Variants in SMG1 observed in about 807,000 individuals in gnomAD.
SMG1 encodes the protein SMG1 nonsense mediated mRNA decay associated PI3K related kinase.
In SMG1, 22 loss-of-function variants were observed where a neutral mutation model predicts 419.9. That is an observed-to-expected ratio of 0.05 (90% CI 0.04 to 0.07). SMG1 has a LOEUF of 0.07. Among genes scored for constraint, SMG1 ranks in the 10% least tolerant of loss-of-function variants. The pLI is 1.00. For missense variants in SMG1, 3,185 were observed against 4,342.0 expected, an observed-to-expected ratio of 0.73 and a Z score of 7.49; for synonymous variants, 1,538 against 1,553.5, an observed-to-expected ratio of 0.99 and a Z score of 0.23.
In SMG1 at chr16:18,847,590, A is replaced by G; in HGVS notation, c.5859T>C (p.Ala1953=). 6.2e-7 allele frequency: 1 copy of G among 1,614,012 alleles called. No individual in the cohort carries two copies. The highest frequency in any genetic ancestry group is 8.5e-7 in the Non-Finnish European group (1 of 1,179,886). Residue 1953 remains alanine, a synonymous_variant, in exon 38 of 63, where the codon GCT becomes GCC. Transcript: ENST00000446231. ...AGAGCACAGTGACCCTGCGCAGTTC[A>G]GCCACGAGCATCTGAACCTGCATAC... The part of the protein sequence containing the change: ...TMVLQVQMLV[A]ELRRVTVLWD...
In SMG1 at chr16:18,809,496, G is replaced by A; in HGVS notation, c.*73C>T. The A allele has an allele frequency of 8.5e-7, 1 of 1,172,384 alleles. No individual in the cohort carries two copies. Among genetic ancestry groups the A allele is most frequent in the Admixed American group, 1.9e-5 (1 of 51,690 alleles). 72.6% of individuals were successfully genotyped at this position (1,172,384 alleles called of 1,614,324 possible). A position where few individuals can be genotyped will look rare whatever the true frequency, so the allele number is the denominator to read the frequency against. ...TCACCACCGACTGTGGTGTGGCTTT[G>A]GATGCCTGAGGCTGAGTTGATTCTG... On this transcript the variant is annotated 3_prime_UTR_variant, in exon 63 of 63. Transcript: ENST00000446231.
chr16:18,872,679 A>G (rs1273759777), intron 13 of SMG1, 55 bp from the exon 14 acceptor site: 1 of 1,267,908 alleles, frequency 7.9e-7, no homozygotes, highest in Admixed American at 2.6e-5. Context: ...AAGCACAAGC[A>G]TACAGAGTTT....
In SMG1 at chr16:18,872,248, A is replaced by G. The variant is rs2035861429; in HGVS notation, c.2119T>C (p.Phe707Leu). The G allele has an allele frequency of 6.3e-7, 1 of 1,592,842 alleles. No individual in the cohort carries two copies. Among genetic ancestry groups the G allele is most frequent in the Non-Finnish European group, 8.6e-7 (1 of 1,165,000 alleles). Residue 707 changes from phenylalanine to leucine, a missense_variant, in exon 15 of 63, where the codon TTC (phenylalanine) becomes CTC (leucine). Phe to Leu is a conservative substitution (Grantham distance 22). Coordinates refer to ENST00000446231, the MANE Select transcript of SMG1 (RefSeq NM_015092.5). ...STVTTATKKH[F>L]SIILNLLGIL... ...CCCAGAAGATTTAATATAATTGAGA[A>G]ATGTTTCTTTGTAGCCGTAGTTACA...
In SMG1 at chr16:18,830,387, G is replaced by C. The variant is rs758787048; in HGVS notation, c.8793-18C>G. 5.6e-6 allele frequency: 9 copies of C among 1,612,960 alleles called. No homozygotes were observed. The East Asian group carries it at 1.8e-4, about 32-fold the overall frequency. On this transcript the variant is annotated intron_variant, in intron 51 of 62. Transcript: ENST00000446231. ...GTAGTAGTCTACAGAAAAACAAAAG[G>C]AGTTAAAACCTTCGCTGAAAAGTAA...
At position 18,829,679 on chromosome 16, in the gene SMG1, G is replaced by A. The variant is rs377175944; in HGVS notation, c.9210C>T (p.Asn3070=). 1.2e-4 allele frequency: 188 copies of A among 1,613,928 alleles called. 1 individual carries two copies. In the South Asian group the frequency reaches 1.5e-3, roughly 13 times the overall value. The stretch of plus-strand genomic sequence containing the variant: ...CCATTTGGTCTTCACTGAAACAAGA[G>A]TTTCTAAAAAGGGTTTTCACATTGA... ...QIVNVKTLFR[N]SCFSEDQMAK... The change falls in exon 54 of 63, where the codon AAC becomes AAT. Residue 3070 remains asparagine (N), a synonymous_variant. Coordinates refer to ENST00000446231, the MANE Select transcript of SMG1 (RefSeq NM_015092.5).
Position 18,806,351 on chromosome 16 carries a change from T to C in SMG1, c.*3218A>G, listed in dbSNP as rs1405776789. ...ACAAACCCTCACCCTAAACCTGGGG[T>C]TTGGGCTCTAAAAAAGTAATTTAGG... On this transcript the variant is annotated 3_prime_UTR_variant, in exon 63 of 63. Transcript: ENST00000446231. 6.6e-6 allele frequency: 1 copy of C among 152,446 alleles called. No individual in the cohort carries two copies. Among genetic ancestry groups the C allele is most frequent in the East Asian group, 1.9e-4 (1 of 5,190 alleles). 9.4% of individuals were successfully genotyped at this position (152,446 alleles called of 1,614,324 possible).
chr16:18,911,806 G>A (rs12920086), intron 1 of SMG1: 46,862 of 151,816 alleles, frequency 0.31, 8,006 homozygotes, highest in Non-Finnish European at 0.39. Context: ...TTCTAGCTAG[G>A]CACGGGGGCT....
At chr16:18,922,724 C>T (rs910000754) in intron 1 of SMG1, among the ~76,000 whole-genome samples, 3 of 152,098 alleles carry the variant, frequency 2.0e-5, no homozygotes, top group African/African-American at 7.2e-5. Context: ...GGGTGATCCA[C>T]CCACCTCAGC....
In SMG1 at chr16:18,853,709, T is replaced by G; in HGVS notation, c.4642A>C (p.Arg1548=). 1 of 1,613,926 alleles carries G rather than the reference T, an allele frequency of 6.2e-7. No individual in the cohort carries two copies. The highest frequency in any genetic ancestry group is 8.5e-7 in the Non-Finnish European group (1 of 1,179,852). The stretch of plus-strand genomic sequence containing the variant: ...GTGAAGTTCTGTTGGTGCTGAGCTC[T>G]GTAAACCTGTTTCAGCTGTCCTGAA... ...EISGQLKQVY[R]AQHQQNFTGL... Residue 1548 remains arginine (R), a synonymous_variant, in exon 31 of 63, where the codon AGA becomes CGA. Coordinates refer to ENST00000446231, the MANE Select transcript of SMG1 (RefSeq NM_015092.5).
In SMG1 at chr16:18,925,555, G is replaced by C. The variant is rs374518165; in HGVS notation, c.92+395C>G. ...GAGCTCTCACGTGGCGGCTGAAAGA[G>C]TGGGGAACCGAGAAAGTGAATGAGT... is the stretch of plus-strand genomic sequence containing the variant. On this transcript the variant is annotated intron_variant, in intron 1 of 62. Coordinates refer to ENST00000446231, the MANE Select transcript of SMG1 (RefSeq NM_015092.5). 740 of 192,192 alleles carry C rather than the reference G, an allele frequency of 3.9e-3. 3 individuals carry two copies. Among genetic ancestry groups the C allele is most frequent in the South Asian group, 5.7e-3 (42 of 7,316 alleles). 11.9% of individuals were successfully genotyped at this position (192,192 alleles called of 1,614,324 possible).
Position 18,838,241 on chromosome 16 carries a change from A to G in SMG1, c.7195-9T>C. 1 of 1,609,304 alleles carries G rather than the reference A, an allele frequency of 6.2e-7. No homozygotes were observed. Among genetic ancestry groups the G allele is most frequent in the Non-Finnish European group, 8.5e-7 (1 of 1,177,136 alleles). On this transcript the variant is annotated splice_polypyrimidine_tract_variant and intron_variant, in intron 44 of 62. Coordinates refer to ENST00000446231, the MANE Select transcript of SMG1 (RefSeq NM_015092.5). The stretch of plus-strand genomic sequence containing the variant: ...CGCATAATGTGTAAAACCTGTTTTC[A>G]GGAGAGTTTTTAAAATAAGGTCTGC...
At position 18,837,716 on chromosome 16, in the gene SMG1, T is replaced by A. The variant is rs146878154; in HGVS notation, c.7414-273A>T. Among the ~76,000 whole-genome samples the A allele has an allele frequency of 1.2e-4, 19 of 152,304 alleles. No individual in the cohort carries two copies. In the East Asian group the frequency reaches 3.3e-3, roughly 26 times the overall value. ...GCTACCAGATAGGGAAGGGAAGCTA[T>A]CCAATTAAAGAACATTTACAGTCAT... On this transcript the variant is annotated intron_variant, in intron 45 of 62. Coordinates refer to ENST00000446231, the MANE Select transcript of SMG1 (RefSeq NM_015092.5).
In SMG1 at chr16:18,916,498, G is replaced by A. The variant is rs373989590; in HGVS notation, c.92+9452C>T. 1.7e-4 allele frequency among the ~76,000 whole-genome samples: 23 copies of A among 134,536 alleles called. 1 individual carries two copies. Among genetic ancestry groups the A allele is most frequent in the Admixed American group, 5.0e-4 (6 of 12,014 alleles). 88.3% of individuals were successfully genotyped at this position (134,536 alleles called of 152,430 possible). ...GCCACTGCACTCCAGCGTGGGCGAC[G>A]GTGAGACTCCATCTCAAAAAAAAAA... On this transcript the variant is annotated intron_variant, in intron 1 of 62. Coordinates refer to ENST00000446231, the MANE Select transcript of SMG1 (RefSeq NM_015092.5).
chr16:18,832,893 T>A, intron 51 of SMG1, 47 bp downstream of exon 51: 2 of 1,512,242 alleles, frequency 1.3e-6, no homozygotes, highest in Non-Finnish European at 1.8e-6. Flanking sequence ...TTTCTCTGGC[T>A]GTCCCATCTC....
At chr16:18,815,365 A>G (rs940192002) in intron 59 of SMG1, 75 bp downstream of exon 59, 16 of 1,573,870 alleles carry the variant, frequency 1.0e-5, no homozygotes, top group Middle Eastern at 3.3e-4. Context: ...TGAAAAATTA[A>G]ATCAAGAGAT....
chr16:18,863,200 G>C (rs2141501410), intron 25 of SMG1, among the ~76,000 whole-genome samples: 1 of 152,326 alleles, frequency 6.6e-6, no homozygotes, highest in Non-Finnish European at 1.5e-5. Context: ...CAGAGTGAGT[G>C]CTCAGTTTTG....
At chr16:18,874,068 C>A (rs1241947724) in intron 13 of SMG1, among the ~76,000 whole-genome samples, 1 of 152,192 alleles carries the variant, frequency 6.6e-6, no homozygotes, top group African/African-American at 2.4e-5. Flanking sequence ...CACATGTAAG[C>A]GCAAACATCA....
intron 23 of SMG1, 42 bp from the exon 24 acceptor site, chr16:18,864,186 A>AATTT: frequency 7.7e-6 from 7 of 912,812 alleles, no homozygotes; most frequent in African/African-American, 5.8e-5. Context: ...TTATCTACTT[A>AATTT]CTTTTTTTTT....
At chr16:18,843,838 G>A (rs1235676512) in intron 39 of SMG1, among the ~76,000 whole-genome samples, 1 of 152,244 alleles carries the variant, frequency 6.6e-6, no homozygotes, top group East Asian at 1.9e-4. Flanking sequence ...ACTGGTTGTG[G>A]GTGGGGAGAT....
Sources: allele counts gnomAD v4.1 joint callset (sites outside exome capture counted in the v4.1 genomes callset), GRCh38; gene constraint gnomAD v4.1.1; transcripts MANE v1.5; gene names NCBI Gene and HGNC (gene_info 2026-07-23, HGNC 2026-07-21).